The following CNTN6 variants were observed in gnomAD, a reference collection of about 807,000 sequenced individuals.
The protein encoded by CNTN6 is contactin-6.
CNTN6 carries 137 observed loss-of-function variants against 122.8 expected under a neutral mutation model. The observed-to-expected ratio is 1.12, with a 90% CI of 0.97 to 1.29. The LOEUF (loss-of-function observed/expected upper bound fraction) is 1.29. CNTN6 is among the 50% of genes most tolerant of loss of function. The pLI is 0.00. For missense variants in CNTN6, 1,634 were observed against 1,223.4 expected (o/e 1.34, Z -5.01); for synonymous variants, 570 against 426.0 (o/e 1.34, Z -4.16).
At position 1,383,076 on chromosome 3, in the gene CNTN6, C is replaced by T. The variant is rs1167402394; in HGVS notation, c.2301C>T (p.Ser767=). The change falls in exon 18 of 23, where the codon AGC becomes AGT. Residue 767 remains serine, a synonymous_variant. Transcript: ENST00000446702. The part of the protein sequence containing the change: ...ESSRFVYRNE[S]IIPLSPFEVK... Reference sequence around the variant, plus strand: ...CAAGGTTTGTCTACAGAAATGAAAGCATCATCCCACTGTCTCCCTTTGAAG... The same window carrying T: ...CAAGGTTTGTCTACAGAAATGAAAGTATCATCCCACTGTCTCCCTTTGAAG... 4.3e-6 allele frequency: 7 copies of T among 1,613,866 alleles called. No individual in the cohort carries two copies. The highest frequency in any genetic ancestry group is 1.7e-5 in the Admixed American group (1 of 59,980).
intron 2 of CNTN6, among the ~76,000 whole-genome samples, chr3:1,158,297 T>C (rs1024277359): frequency 5.9e-5 from 9 of 152,234 alleles, no homozygotes; most frequent in Non-Finnish European, 1.3e-4. Flanking sequence ...CATTGAGCAC[T>C]TTTTCATATG....
At position 1,375,006 on chromosome 3, in the gene CNTN6, T is replaced by G. The variant is rs1225047736; in HGVS notation, c.2095+933T>G. On this transcript the variant is annotated intron_variant, in intron 16 of 22. Transcript: ENST00000446702. ...TGAACACCAGGATATTAGCTGGTTG[T>G]TTGTGACAGAGCTAGGTTTTGAATC... Among the ~76,000 whole-genome samples, 90 of 152,044 alleles carry G rather than the reference T, an allele frequency of 5.9e-4. 2 individuals carry two copies. Among genetic ancestry groups the G allele is most frequent in the East Asian group, 1.9e-4 (1 of 5,188 alleles).
At chr3:1,242,457 T>G (rs2094498864) in intron 4 of CNTN6, among the ~76,000 whole-genome samples, 1 of 151,952 alleles carries the variant, frequency 6.6e-6, no homozygotes, top group Non-Finnish European at 1.5e-5. Flanking sequence ...ATGGGGGAAT[T>G]GTAAGGAGAG....
At chr3:1,169,440 C>G (rs898752853) in intron 2 of CNTN6, among the ~76,000 whole-genome samples, 1 of 152,136 alleles carries the variant, frequency 6.6e-6, no homozygotes, top group Non-Finnish European at 1.5e-5. Flanking sequence ...GTGAGATGAT[C>G]CAGAGTTTGA....
intron 2 of CNTN6, among the ~76,000 whole-genome samples, chr3:1,168,205 GC>G (rs1221532856): frequency 2.0e-5 from 3 of 151,892 alleles, no homozygotes; most frequent in Non-Finnish European, 2.9e-5. Context: ...ATCGCGCCCG[GC>G]CTGGAAATGT....
chr3:1,174,205 C>T (rs1264065815), intron 2 of CNTN6, among the ~76,000 whole-genome samples: 2 of 152,170 alleles, frequency 1.3e-5, no homozygotes, highest in African/African-American at 4.8e-5. Flanking sequence ...TTCGCTTTTA[C>T]AGAGGCTTTA....
chr3:1,284,960 A>G (rs1694086936), intron 5 of CNTN6, among the ~76,000 whole-genome samples: 1 of 152,224 alleles, frequency 6.6e-6, no homozygotes, highest in African/African-American at 2.4e-5. Flanking sequence ...CAGACATTTT[A>G]GGGACTTTGC....
Position 1,383,096 on chromosome 3 carries a change from T to C in CNTN6, c.2321T>C (p.Phe774Ser), listed in dbSNP as rs777117267. 7 of 1,614,032 alleles carry C rather than the reference T, an allele frequency of 4.3e-6. No homozygotes were observed. Among genetic ancestry groups the C allele is most frequent in the South Asian group, 1.1e-5 (1 of 91,084 alleles). Residue 774 changes from phenylalanine to serine, a missense_variant, in exon 18 of 23, where the codon TTT (phenylalanine) becomes TCT (serine). Physicochemically the swap from Phe to Ser is radical, Grantham distance 155. Coordinates refer to ENST00000446702, the MANE Select transcript of CNTN6 (RefSeq NM_001289080.2). Reference sequence around the variant, plus strand: ...GAAAGCATCATCCCACTGTCTCCCTTTGAAGTCAAAGTGGGTGTGTATAAT... The same window carrying C: ...GAAAGCATCATCCCACTGTCTCCCTCTGAAGTCAAAGTGGGTGTGTATAAT... ...RNESIIPLSP[F>S]EVKVGVYNNE...
At chr3:1,389,937 T>G (rs868446735) in intron 20 of CNTN6, among the ~76,000 whole-genome samples, 2,287 of 149,910 alleles carry the variant, frequency 0.015, 60 homozygotes, top group African/African-American at 0.054. Flanking sequence ...ACAAAGAGAC[T>G]TAGACTCCCA....
chr3:1,202,458 G>A (rs143762649), intron 2 of CNTN6, among the ~76,000 whole-genome samples: 1,842 of 149,340 alleles, frequency 0.012, 41 homozygotes, highest in African/African-American at 0.041. Flanking sequence ...GAGAATGGCG[G>A]GAACCCCGGG....
intron 2 of CNTN6, among the ~76,000 whole-genome samples, chr3:1,188,812 C>T (rs116601366): frequency 0.02 from 3,057 of 152,222 alleles, 101 homozygotes; most frequent in African/African-American, 0.069. Context: ...AAATTGTTAC[C>T]ACTGCTTTTC....
intron 2 of CNTN6, among the ~76,000 whole-genome samples, chr3:1,215,580 C>T (rs1381273298): frequency 6.6e-6 from 1 of 152,024 alleles, no homozygotes; most frequent in Non-Finnish European, 1.5e-5. Flanking sequence ...TTTAAAAACT[C>T]ATGCTCTTAT....
chr3:1,337,385 C>A (rs1703226237), intron 11 of CNTN6, among the ~76,000 whole-genome samples: 1 of 152,088 alleles, frequency 6.6e-6, no homozygotes, highest in South Asian at 2.1e-4. Flanking sequence ...GTTCCTTTTG[C>A]TTTTGCCTTT....
chr3:1,344,493 A>G (rs1704367153), intron 11 of CNTN6, among the ~76,000 whole-genome samples: 2 of 152,208 alleles, frequency 1.3e-5, no homozygotes, highest in African/African-American at 4.8e-5. Context: ...AAAAGATTTC[A>G]TAAGGTGTGT....
intron 1 of CNTN6, among the ~76,000 whole-genome samples, chr3:1,119,932 C>A (rs564039913): frequency 3.3e-5 from 5 of 152,114 alleles, no homozygotes; most frequent in African/African-American, 1.2e-4. Flanking sequence ...ATTTTGATCA[C>A]CACAAATTAG....
Position 1,214,301 on chromosome 3 carries a change from C to CTTTTTTTT in CNTN6, c.56-6369_56-6362dup, listed in dbSNP as rs34799447. 1.4e-3 allele frequency among the ~76,000 whole-genome samples: 60 copies of CTTTTTTTT among 44,034 alleles called. 1 individual carries two copies. Among genetic ancestry groups the CTTTTTTTT allele is most frequent in the East Asian group, 3.2e-3 (4 of 1,254 alleles). The allele number at this position is 44,034 out of a possible 152,430, so 28.9% of individuals were successfully genotyped here. A position where few individuals can be genotyped will look rare whatever the true frequency, so the allele number is the denominator to read the frequency against. ...TTGTTCAAATGTGTTTGTTGGATGT[C>CTTTTTTTT]TTTTTTTTTTTTTTTTTTTTTTTTG... is the stretch of plus-strand genomic sequence containing the variant. On this transcript the variant is annotated intron_variant, in intron 2 of 22. Transcript: ENST00000446702.
intron 2 of CNTN6, among the ~76,000 whole-genome samples, chr3:1,158,763 T>C (rs371344374): frequency 5.8e-4 from 54 of 92,746 alleles, no homozygotes; most frequent in African/African-American, 1.8e-3. Context: ...TACATATATA[T>C]ACACACATAT....
At chr3:1,318,500 G>A (rs1700422663) in intron 7 of CNTN6, among the ~76,000 whole-genome samples, 1 of 151,816 alleles carries the variant, frequency 6.6e-6, no homozygotes, top group African/African-American at 2.4e-5. Flanking sequence ...GAATTTTTAA[G>A]AGGCAGAACC....
Position 1,404,026 on chromosome 3 carries a change from A to G in CNTN6, c.*608A>G, listed in dbSNP as rs1696041716. 2 of 152,148 alleles carry G rather than the reference A, an allele frequency of 1.3e-5. No individual in the cohort carries two copies. Among genetic ancestry groups the G allele is most frequent in the Non-Finnish European group, 2.9e-5 (2 of 68,010 alleles). The allele number at this position is 152,148 out of a possible 1,614,324, so 9.4% of individuals were successfully genotyped here. On this transcript the variant is annotated 3_prime_UTR_variant, in exon 23 of 23. Transcript: ENST00000446702. ...AAAGGCAGAAAAAGTATTTTATGGC[A>G]AAGAAAAATAAATGATGGGAAATGA...
Sources: gnomAD v4.1 joint callset for allele counts (sites outside exome capture counted in the v4.1 genomes callset) on GRCh38, gnomAD v4.1.1 for gene constraint, MANE v1.5 for transcripts, NCBI Gene and HGNC (gene_info 2026-07-23, HGNC 2026-07-21) for gene names.